Variants in GRIA1 observed in about 807,000 individuals in gnomAD.
GRIA1 encodes the protein glutamate ionotropic receptor AMPA type subunit 1.
GRIA1 carries 31 observed loss-of-function variants against 99.2 expected under a neutral mutation model. The observed-to-expected ratio is 0.31, with a 90% CI of 0.23 to 0.42. The LOEUF (loss-of-function observed/expected upper bound fraction) is 0.42. Ranked by LOEUF, GRIA1 falls within the 10% of genes least tolerant of loss-of-function variation. The probability of loss-of-function intolerance (pLI) is 1.00; values close to 1 mark genes in which losing one functional copy is unlikely to be tolerated. For missense variants in GRIA1, 782 were observed against 1,157.5 expected (o/e 0.68, Z 4.71); for synonymous variants, 438 against 432.4 (o/e 1.01, Z -0.16).
At chr5:153,664,597 A>G (rs912097075) in intron 5 of GRIA1, among the ~76,000 whole-genome samples, 1 of 152,042 alleles carries the variant, frequency 6.6e-6, no homozygotes, top group Non-Finnish European at 1.5e-5. Context: ...ATTTTGCTCT[A>G]TAATTACTTG....
At chr5:153,802,635 G>A (rs1561872879) in intron 15 of GRIA1, 145 bp downstream of exon 15, 1 of 826,072 alleles carries the variant, frequency 1.2e-6, no homozygotes. Flanking sequence ...TACGAGGAAG[G>A]TGACGGGGAC....
chr5:153,532,093 C>G (rs1392350622), intron 2 of GRIA1, among the ~76,000 whole-genome samples: 1 of 152,134 alleles, frequency 6.6e-6, no homozygotes, highest in Non-Finnish European at 1.5e-5. Flanking sequence ...CACTCTTTTA[C>G]AGCCTTTACA....
chr5:153,492,228 T>TC lies in GRIA1; in HGVS notation c.82+1259dup, dbSNP rs3841128. The TC allele has an allele frequency of 0.036, 55,236 of 1,535,256 alleles. 3,243 individuals carry two copies. Among genetic ancestry groups the TC allele is most frequent in the African/African-American group, 0.24 (17,249 of 73,072 alleles). On this transcript the variant is annotated intron_variant, in intron 1 of 15. Transcript: ENST00000285900. ...GCTGCAGTACCCATCTCTTTCAGCC[T>TC]CTCCAGCTAGCTGGCGGCTTGGAGT...
chr5:153,725,344 A>G (rs201908374), intron 11 of GRIA1, among the ~76,000 whole-genome samples: 76,160 of 146,380 alleles, frequency 0.52, 20,526 homozygotes, highest in East Asian at 0.93. Context: ...ATCAACTAAC[A>G]AGCAAAATAA....
intron 2 of GRIA1, among the ~76,000 whole-genome samples, chr5:153,511,092 AGTCCCTCT>A (rs1328384476): frequency 7.9e-5 from 12 of 152,212 alleles, no homozygotes; most frequent in Non-Finnish European, 1.6e-4. Context: ...TTCCAAACTT[AGTCCCTCT>A]GTAGCCCACA....
At chr5:153,788,567 C>T (rs957170543) in intron 13 of GRIA1, among the ~76,000 whole-genome samples, 5 of 152,156 alleles carry the variant, frequency 3.3e-5, no homozygotes, top group East Asian at 1.9e-4. Flanking sequence ...CTCTAGTCTC[C>T]GCTTAAATGT....
At chr5:153,789,158 C>G (rs1481656957) in intron 13 of GRIA1, among the ~76,000 whole-genome samples, 1 of 152,110 alleles carries the variant, frequency 6.6e-6, no homozygotes, top group Admixed American at 6.5e-5. Flanking sequence ...GAGGTATCCA[C>G]ATCATTCTGG....
At chr5:153,683,599 T>C (rs111396864) in intron 7 of GRIA1, among the ~76,000 whole-genome samples, 17 of 152,290 alleles carry the variant, frequency 1.1e-4, no homozygotes, top group African/African-American at 3.6e-4. Flanking sequence ...CTTGACCTTA[T>C]TGGAAACTGA....
At chr5:153,557,673 G>A (rs1478687749) in intron 2 of GRIA1, 1 of 152,076 alleles carries the variant, frequency 6.6e-6, no homozygotes, top group Non-Finnish European at 1.5e-5. Flanking sequence ...ACAAACTAGA[G>A]AATTTATATC....
At chr5:153,657,699 TC>T (rs1755055721) in intron 5 of GRIA1, among the ~76,000 whole-genome samples, 2 of 152,206 alleles carry the variant, frequency 1.3e-5, no homozygotes, top group Non-Finnish European at 2.9e-5. Flanking sequence ...CTTAGATAGA[TC>T]CCTGCCTTAC....
Position 153,779,628 on chromosome 5 carries a change from T to C in GRIA1, c.2270+9213T>C, listed in dbSNP as rs542004704. 7.0e-4 allele frequency among the ~76,000 whole-genome samples: 106 copies of C among 152,328 alleles called. 2 individuals carry two copies. In the South Asian group the frequency reaches 0.021, roughly 30 times the overall value. On this transcript the variant is annotated intron_variant, in intron 13 of 15. Transcript: ENST00000285900. ...CAGGCTAGAGTGCAATGGCGCAATC[T>C]CAGCTCACTGCAACCTCCGCCTCCT...
At chr5:153,748,702 G>A (rs904402257) in intron 11 of GRIA1, among the ~76,000 whole-genome samples, 4 of 152,134 alleles carry the variant, frequency 2.6e-5, no homozygotes, top group African/African-American at 9.7e-5. Context: ...GTGTGGGTGA[G>A]GGAAAGAGAC....
intron 2 of GRIA1, among the ~76,000 whole-genome samples, chr5:153,496,427 C>T (rs886800191): frequency 2.6e-5 from 4 of 152,132 alleles, no homozygotes; most frequent in African/African-American, 9.7e-5. Flanking sequence ...GATAAAATGC[C>T]CTTGCTCTCA....
At chr5:153,603,128 T>A (rs1765138643) in intron 2 of GRIA1, among the ~76,000 whole-genome samples, 1 of 151,822 alleles carries the variant, frequency 6.6e-6, no homozygotes. Context: ...TGTGTCCATG[T>A]GTTCTCATTG....
intron 13 of GRIA1, among the ~76,000 whole-genome samples, chr5:153,778,192 AGTGTGT>A (rs61414750): frequency 1.9e-3 from 72 of 37,362 alleles, no homozygotes; most frequent in African/African-American, 7.1e-3. Flanking sequence ...AGAGAGAGAG[AGTGTGT>A]GTGTGTGTGT....
At chr5:153,530,602 G>A (rs1758004815) in intron 2 of GRIA1, among the ~76,000 whole-genome samples, 1 of 152,230 alleles carries the variant, frequency 6.6e-6, no homozygotes, top group Non-Finnish European at 1.5e-5. Context: ...CCGCTGTGCT[G>A]TTACAATCTA....
At chr5:153,542,776 C>T (rs1759244807) in intron 2 of GRIA1, among the ~76,000 whole-genome samples, 1 of 152,210 alleles carries the variant, frequency 6.6e-6, no homozygotes, top group South Asian at 2.1e-4. Flanking sequence ...ACTTCCTCTT[C>T]TCCCAGTCTG....
intron 2 of GRIA1, among the ~76,000 whole-genome samples, chr5:153,618,370 C>T (rs1197949489): frequency 6.6e-6 from 1 of 152,190 alleles, no homozygotes; most frequent in Non-Finnish European, 1.5e-5. Context: ...TTGCATCATT[C>T]TTGCACCCTG....
At chr5:153,786,682 C>A (rs1450687275) in intron 13 of GRIA1, among the ~76,000 whole-genome samples, 2 of 152,120 alleles carry the variant, frequency 1.3e-5, no homozygotes, top group Non-Finnish European at 1.5e-5. Flanking sequence ...GTAGACAATG[C>A]AGTGAACTGC....
Sources: allele counts gnomAD v4.1 joint callset (sites outside exome capture counted in the v4.1 genomes callset), GRCh38; gene constraint gnomAD v4.1.1; transcripts MANE v1.5; gene names NCBI Gene and HGNC (gene_info 2026-07-23, HGNC 2026-07-21).